The following KDM5A variants were observed in gnomAD, a reference collection of about 807,000 sequenced individuals.
The protein encoded by KDM5A is lysine-specific demethylase 5A.
KDM5A carries 42 observed loss-of-function variants against 193.5 expected under a neutral mutation model. That is an observed-to-expected ratio of 0.22 (90% CI 0.17 to 0.28). The LOEUF is 0.28. Ranked by LOEUF, KDM5A falls within the 10% of genes least tolerant of loss-of-function variation. The pLI is 1.00. For synonymous variants in KDM5A, 796 were observed against 718.1 expected (o/e 1.11, Z -1.73); for missense variants, 1,692 against 2,055.1 (o/e 0.82, Z 3.42).
intron 24 of KDM5A, among the ~76,000 whole-genome samples, chr12:301,253 G>A (rs554955484): frequency 6.6e-6 from 1 of 152,314 alleles, no homozygotes; most frequent in African/African-American, 2.4e-5. Flanking sequence ...TAATATCCCT[G>A]ATGAACATCG....
Position 331,776 on chromosome 12 carries a change from G to T in KDM5A, c.1773+43C>A, listed in dbSNP as rs112640226. The T allele has an allele frequency of 1.7e-5, 28 of 1,611,818 alleles. No individual in the cohort carries two copies. In the African/African-American group the frequency reaches 2.5e-4, roughly 15 times the overall value. On this transcript the variant is annotated intron_variant, in intron 13 of 27. Transcript: ENST00000399788. ...CAACTAAGCTGCTTTATATTTATAG[G>T]GGGGTTAGTAGACGTACAACAGCCA...
chr12:376,940 G>C (rs1172908363), intron 3 of KDM5A, among the ~76,000 whole-genome samples: 1 of 152,100 alleles, frequency 6.6e-6, no homozygotes, highest in Non-Finnish European at 1.5e-5. Context: ...ACAAGTTTAA[G>C]TGCCTTACAA....
rs138989901 is a variant in KDM5A at position 296,046 on chromosome 12, T to C, written c.4235-253A>G. 2.9e-4 allele frequency among the ~76,000 whole-genome samples: 44 copies of C among 152,222 alleles called. No individual in the cohort carries two copies. The Middle Eastern group carries it at 0.01, about 35-fold the overall frequency. ...AAAAAACAGTTCTTCCAGCCGGGTG[T>C]GGCGGCTCACCCTTGTAATCCCAAC... On this transcript the variant is annotated intron_variant, in intron 25 of 27. Transcript: ENST00000399788.
At chr12:316,960 GAT>G (rs1258769956) in intron 19 of KDM5A, among the ~76,000 whole-genome samples, 5 of 152,152 alleles carry the variant, frequency 3.3e-5, no homozygotes, top group African/African-American at 1.2e-4. Flanking sequence ...GTAACTATGT[GAT>G]CTCTCCAGGC....
At chr12:372,838 T>TATA (rs900506135) in intron 3 of KDM5A, among the ~76,000 whole-genome samples, 4 of 152,262 alleles carry the variant, frequency 2.6e-5, no homozygotes, top group African/African-American at 9.6e-5. Flanking sequence ...TTTCTGCATC[T>TATA]ATTGAGATAA....
chr12:359,587 T>C (rs1347681584), intron 5 of KDM5A, among the ~76,000 whole-genome samples: 1 of 150,740 alleles, frequency 6.6e-6, no homozygotes, highest in Non-Finnish European at 1.5e-5. Context: ...TCTACAAACA[T>C]ACAAAAATTA....
rs1474964968 is a variant in KDM5A, at chr12:384,150, T to G, written c.247A>C (p.Met83Leu). The part of the protein sequence containing the change: ...RVQRLNELEA[M>L]TRVRLDFLDQ... ...AAGAAATCCAATCTCACTCTGGTCA[T>G]TGCCTAAGATTATTAAAATACAGAA... Residue 83 changes from methionine to leucine, a missense_variant, in exon 3 of 28, where the codon ATG becomes CTG. By Grantham distance (15) the Met-to-Leu change is conservative. Coordinates refer to ENST00000399788, the MANE Select transcript of KDM5A (RefSeq NM_001042603.3). 1 of 1,589,220 alleles carries G rather than the reference T, an allele frequency of 6.3e-7. No individual in the cohort carries two copies. The highest frequency in any genetic ancestry group is 1.7e-5 in the Admixed American group (1 of 59,958).
At chr12:315,715 G>A (rs1301963964) in intron 19 of KDM5A, among the ~76,000 whole-genome samples, 1 of 152,100 alleles carries the variant, frequency 6.6e-6, no homozygotes, top group Non-Finnish European at 1.5e-5. Context: ...AAGAAGAAGG[G>A]AAGAGTCAAA....
intron 24 of KDM5A, 35 bp downstream of exon 24, chr12:306,911 A>T (rs1249257608): frequency 6.2e-7 from 1 of 1,600,306 alleles, no homozygotes; most frequent in Non-Finnish European, 8.6e-7. Flanking sequence ...CCCAATGATC[A>T]GGTATGTACC....
At chr12:362,871 T>A in intron 5 of KDM5A, 92 bp downstream of exon 5, 1 of 1,178,454 alleles carries the variant, frequency 8.5e-7, no homozygotes, top group Non-Finnish European at 1.3e-6. Context: ...GGCAAGAGGA[T>A]CACTTGAGCC....
intron 10 of KDM5A, 79 bp downstream of exon 10, chr12:350,542 A>C (rs1005057096): frequency 2.2e-5 from 30 of 1,361,630 alleles, no homozygotes; most frequent in African/African-American, 2.9e-5. Context: ...ATTTTAAGTT[A>C]ATGTGATCCC....
At chr12:375,975 G>A (rs1420675786) in intron 3 of KDM5A, among the ~76,000 whole-genome samples, 4 of 152,250 alleles carry the variant, frequency 2.6e-5, no homozygotes, top group Non-Finnish European at 5.9e-5. Context: ...CCATGTGGGT[G>A]TCAAGGCTGC....
Position 350,392 on chromosome 12 carries a change from C to T in KDM5A, c.1308+229G>A, listed in dbSNP as rs189146212. ...TGGAGGTTGCGGTGAGCTAAGCTCG[C>T]GCTCCAGCCTAGGTGACAGAGTGAG... On this transcript the variant is annotated intron_variant, in intron 10 of 27. Transcript: ENST00000399788. Among the ~76,000 whole-genome samples, 164 of 146,796 alleles carry T rather than the reference C, an allele frequency of 1.1e-3. 2 individuals are homozygous for T. The highest frequency in any genetic ancestry group is 4.0e-3 in the African/African-American group (157 of 39,468).
At chr12:290,281 G>A (rs886885548) in intron 27 of KDM5A, among the ~76,000 whole-genome samples, 3 of 152,074 alleles carry the variant, frequency 2.0e-5, no homozygotes, top group Admixed American at 2.0e-4. Context: ...CAAACATGTA[G>A]AACCATAAAA....
At chr12:374,873 C>CTT (rs533467027) in intron 3 of KDM5A, among the ~76,000 whole-genome samples, 5 of 149,076 alleles carry the variant, frequency 3.4e-5, no homozygotes, top group African/African-American at 1.2e-4. Flanking sequence ...GTTGAAAATT[C>CTT]TTTTTTTTTT....
rs1943749309 is a variant in KDM5A at position 323,632 on chromosome 12, C to T, written c.2118G>A (p.Leu706=). ...ATTTCTTCTGCATGGGGCAGGGGCA[C>T]AGATCAGTTGGATGGTAGAGACATA... ...RLVCLYHPTD[L]CPCPMQKKCL... The change falls in exon 15 of 28, where the codon CTG becomes CTA. Residue 706 remains leucine (L), a synonymous_variant. Transcript: ENST00000399788. The T allele has an allele frequency of 2.5e-6, 4 of 1,614,010 alleles. No individual in the cohort carries two copies. The highest frequency in any genetic ancestry group is 2.7e-5 in the African/African-American group (2 of 74,898).
In KDM5A at chr12:328,936, C is replaced by A; in HGVS notation, c.1867G>T (p.Asp623Tyr). ...AGCCCCACATCTAAGCATTCTGGAT[C>A]TGCTGCCATCTTGAAAATTAGTTCC... ...HEELIFKMAADPECLDVGLAA... is the reference protein window; with the variant it reads ...HEELIFKMAAYPECLDVGLAA... The change falls in exon 14 of 28, where the codon GAT (aspartate) becomes TAT (tyrosine). Residue 623 changes from aspartate to tyrosine, a missense_variant. Asp to Tyr is a radical substitution (Grantham distance 160). Around this residue, in one of 11 missense-constraint regions of KDM5A, gnomAD observed 88 missense variants for 124.6 expected, o/e 0.71. Coordinates refer to ENST00000399788, the MANE Select transcript of KDM5A (RefSeq NM_001042603.3). The A allele has an allele frequency of 6.2e-7, 1 of 1,614,232 alleles. No individual in the cohort carries two copies. Among genetic ancestry groups the A allele is most frequent in the South Asian group, 1.1e-5 (1 of 91,086 alleles).
At chr12:310,837 T>C (rs1187307381) in intron 21 of KDM5A, 48 bp downstream of exon 21, 4 of 1,570,902 alleles carry the variant, frequency 2.5e-6, no homozygotes, top group Non-Finnish European at 3.5e-6. Flanking sequence ...CCAATACTAT[T>C]ACTACTTAAA....
Position 282,802 on chromosome 12 carries a change from A to C in KDM5A, c.*2654T>G, listed in dbSNP as rs1943172339. The stretch of plus-strand genomic sequence containing the variant: ...ACAATACAGAAGGGAGCAAGTAAGT[A>C]ATTTTCTCTAAGTGAAAATAATGCT... On this transcript the variant is annotated 3_prime_UTR_variant, in exon 28 of 28. Coordinates refer to ENST00000399788, the MANE Select transcript of KDM5A (RefSeq NM_001042603.3). 4.3e-6 allele frequency: 1 copy of C among 232,552 alleles called. No homozygotes were observed. The highest frequency in any genetic ancestry group is 1.8e-4 in the South Asian group (1 of 5,526). The allele number at this position is 232,552 out of a possible 1,614,324, so 14.4% of individuals were successfully genotyped here.
Sources: gnomAD v4.1 joint callset for allele counts (sites outside exome capture counted in the v4.1 genomes callset) on GRCh38, gnomAD v4.1.1 for gene constraint, gnomAD v4.1.1 regional missense constraint, MANE v1.5 for transcripts, NCBI Gene and HGNC (gene_info 2026-07-23, HGNC 2026-07-21) for gene names.